EXOSC2: variants seen among roughly 807,000 people sequenced by gnomAD.
The protein encoded by EXOSC2 is exosome complex component RRP4.
A neutral mutation model predicts 37.6 loss-of-function variants in EXOSC2; 29 were observed. The ratio of observed to expected loss-of-function variants is 0.77; its 90% confidence interval spans 0.57 to 1.05. The LOEUF (loss-of-function observed/expected upper bound fraction) is 1.05, where lower values mean the gene tolerates loss of function less well. EXOSC2 is among the 50% of genes least tolerant of loss of function. The pLI is 0.00. For synonymous variants in EXOSC2, 119 were observed against 131.1 expected, an observed-to-expected ratio of 0.91 and a Z score of 0.63; for missense variants, 346 against 365.6, an observed-to-expected ratio of 0.95 and a Z score of 0.44.
chr9:130,700,815 C>T, intron 5 of EXOSC2, 52 bp from the exon 6 acceptor site: 4 of 1,567,358 alleles, frequency 2.6e-6, no homozygotes, highest in East Asian at 2.2e-5. Flanking sequence ...CTGCAGAGGA[C>T]AGGACAGTGT....
intron 6 of EXOSC2, chr9:130,701,739 A>G (rs764170101): frequency 1.5e-5 from 13 of 839,504 alleles, no homozygotes; most frequent in Non-Finnish European, 1.9e-5. Context: ...CACACATCTC[A>G]CAGGCAAGAT....
At chr9:130,695,660 C>A in intron 2 of EXOSC2, 67 bp downstream of exon 2, 2 of 1,358,382 alleles carry the variant, frequency 1.5e-6, no homozygotes, top group Non-Finnish European at 1.0e-6. Context: ...TTTTCCTGCC[C>A]CCTCCTTATC....
chr9:130,702,813 T>C (rs1482214323), intron 7 of EXOSC2, among the ~76,000 whole-genome samples: 1 of 152,148 alleles, frequency 6.6e-6, no homozygotes, highest in Non-Finnish European at 1.5e-5. Flanking sequence ...CAGGCTGGTC[T>C]TGAATTCCTG....
chr9:130,703,440 T>C (rs1270358201), intron 8 of EXOSC2, among the ~76,000 whole-genome samples: 3 of 152,226 alleles, frequency 2.0e-5, no homozygotes, highest in African/African-American at 7.2e-5. Context: ...GGACTACATC[T>C]TACCTCTCCC....
chr9:130,702,172 G>A lies in EXOSC2; in HGVS notation c.534G>A (p.Leu178=). ...QGVLVQVSPS[L]VKRQKTHFHD... is the part of the protein sequence containing the mutation. ...TTTTGGTCCAGGTTTCCCCCTCCCTGGTGAAACGGCAGAAGACCCACTTTC... is the reference window on the plus strand; with the variant it reads ...TTTTGGTCCAGGTTTCCCCCTCCCTAGTGAAACGGCAGAAGACCCACTTTC... The change falls in exon 7 of 9, where the codon CTG becomes CTA. Residue 178 remains leucine, a synonymous_variant. Transcript: ENST00000372358. 1 of 1,614,042 alleles carries A rather than the reference G, an allele frequency of 6.2e-7. No individual in the cohort carries two copies. The highest frequency in any genetic ancestry group is 8.5e-7 in the Non-Finnish European group (1 of 1,180,014).
At chr9:130,697,756 A>T in intron 3 of EXOSC2, 129 bp downstream of exon 3, 1 of 830,908 alleles carries the variant, frequency 1.2e-6, no homozygotes, top group Middle Eastern at 2.3e-4. Context: ...GTGGCTTCTG[A>T]TGTAAATATG....
In EXOSC2 at chr9:130,698,423, A is replaced by G. The variant is rs1477104029; in HGVS notation, c.360+172A>G. The stretch of plus-strand genomic sequence containing the variant: ...TGTATGTAGACTTTTCACCCTGTCC[A>G]GGTCTCCCGAAAGAGGGAGCAGTTG... On this transcript the variant is annotated intron_variant, in intron 4 of 8. Transcript: ENST00000372358. This position sits in a 1 kb window ranked among gnomAD's most constrained non-coding sequence, Gnocchi z 4.1. Among the ~76,000 whole-genome samples the G allele has an allele frequency of 6.6e-6, 1 of 152,202 alleles. No individual in the cohort carries two copies. Among genetic ancestry groups the G allele is most frequent in the African/African-American group, 2.4e-5 (1 of 41,454 alleles).
intron 2 of EXOSC2, 94 bp from the exon 3 acceptor site, chr9:130,697,488 C>T: frequency 7.9e-7 from 1 of 1,258,922 alleles, no homozygotes; most frequent in Non-Finnish European, 1.2e-6. Flanking sequence ...CTGTTCCAGG[C>T]TTTCACCCTG....
rs116776217 is a variant in EXOSC2, at chr9:130,699,723, C to T, written c.426+329C>T. 1,439 of 259,810 alleles carry T rather than the reference C, an allele frequency of 5.5e-3. 28 individuals carry two copies. The highest frequency in any genetic ancestry group is 0.03 in the African/African-American group (1,384 of 45,944). 16.1% of individuals were successfully genotyped at this position (259,810 alleles called of 1,614,324 possible). A position where few individuals can be genotyped will look rare whatever the true frequency, so the allele number is the denominator to read the frequency against. On this transcript the variant is annotated intron_variant, in intron 5 of 8. Transcript: ENST00000372358. ...TCACGTCAAGATATTAATGACAGGC[C>T]GAGTGTGGTGACTCATGCCTGTAAT...
rs1241667746 is a variant in EXOSC2 at position 130,694,559 on chromosome 9, A to G, written c.122+646A>G. Among the ~76,000 whole-genome samples, 4 of 152,328 alleles carry G rather than the reference A, an allele frequency of 2.6e-5. No individual in the cohort carries two copies. In the East Asian group the frequency reaches 7.7e-4, roughly 29 times the overall value. ...GTAATGAGGATTAAATGAGACAATTATGTAAGAAAAGAAGTAAAACCAGCC... is the reference window on the plus strand; with the variant it reads ...GTAATGAGGATTAAATGAGACAATTGTGTAAGAAAAGAAGTAAAACCAGCC... On this transcript the variant is annotated intron_variant, in intron 1 of 8. Transcript: ENST00000372358. This position sits in a 1 kb window ranked among gnomAD's most constrained non-coding sequence, Gnocchi z 4.0.
Position 130,698,223 on chromosome 9 carries a change from C to T in EXOSC2, c.332C>T (p.Ser111Leu), listed in dbSNP as rs1208316253. Residue 111 changes from serine to leucine, a missense_variant, in exon 4 of 9, where the codon TCG becomes TTG. Ser to Leu is a moderately radical substitution (Grantham distance 145, BLOSUM62 -2). Coordinates refer to ENST00000372358, the MANE Select transcript of EXOSC2 (RefSeq NM_014285.7). The surrounding 1 kb of genome is among the most constrained non-coding windows in gnomAD (Gnocchi z 4.1). ...NSRLDSVLLL[S>L]SMNLPGGELR... ...AGGCTGGATTCGGTCTTGCTGCTCT[C>T]GTCCATGAACCTTCCTGGAGGAGAG... is the stretch of plus-strand genomic sequence containing the variant. The T allele has an allele frequency of 4.3e-6, 7 of 1,614,126 alleles. No homozygotes were observed. The highest frequency in any genetic ancestry group is 5.1e-6 in the Non-Finnish European group (6 of 1,180,030).
Position 130,703,489 on chromosome 9 carries a change from T to A in EXOSC2, c.802-205T>A, listed in dbSNP as rs570431364. Among the ~76,000 whole-genome samples the A allele has an allele frequency of 3.3e-5, 5 of 152,322 alleles. No homozygotes were observed. In the East Asian group the frequency reaches 9.6e-4, roughly 29 times the overall value. Reference sequence around the variant, plus strand: ...CTTTTGGATGAATGTCAGAATAATATCTTTGTTCTTGTCGACTATATCCCA... The same window carrying A: ...CTTTTGGATGAATGTCAGAATAATAACTTTGTTCTTGTCGACTATATCCCA... On this transcript the variant is annotated intron_variant, in intron 8 of 8. Transcript: ENST00000372358.
Position 130,700,934 on chromosome 9 carries a change from A to G in EXOSC2, c.494A>G (p.Lys165Arg), listed in dbSNP as rs1190546463. Residue 165 changes from lysine to arginine, a missense_variant and splice_region_variant, in exon 6 of 9, where the codon AAA becomes AGA. Physicochemically the swap from Lys to Arg is conservative, Grantham distance 26 (BLOSUM62 2). Transcript: ENST00000372358. ...CACACGAGGAGCCTGAAATATGGAA[A>G]AGTAAGTCGGGCTCTTGATGTTCCT... ...SLHTRSLKYG[K>R]LGQGVLVQVS... The G allele has an allele frequency of 6.2e-7, 1 of 1,614,000 alleles. No homozygotes were observed. Among genetic ancestry groups the G allele is most frequent in the South Asian group, 1.1e-5 (1 of 91,076 alleles).
At chr9:130,702,488 A>G (rs1831239163) in intron 7 of EXOSC2, among the ~76,000 whole-genome samples, 178 bp downstream of exon 7, 1 of 152,148 alleles carries the variant, frequency 6.6e-6, no homozygotes, top group African/African-American at 2.4e-5. Context: ...AAGGAGATGA[A>G]TTCAGTGAAT....
Position 130,703,896 on chromosome 9 carries a change from G to C in EXOSC2, c.*122G>C. 1.3e-6 allele frequency: 1 copy of C among 782,788 alleles called. No individual in the cohort carries two copies. Among genetic ancestry groups the C allele is most frequent in the East Asian group, 2.6e-5 (1 of 37,992 alleles). 48.5% of individuals were successfully genotyped at this position (782,788 alleles called of 1,614,324 possible). On this transcript the variant is annotated 3_prime_UTR_variant, in exon 9 of 9. Coordinates refer to ENST00000372358, the MANE Select transcript of EXOSC2 (RefSeq NM_014285.7). ...TCCCTTTGTCTGCATTGACGGCCCT[G>C]TGACGGCCTCCAGCCCACAGGCCTG...
At chr9:130,701,186 A>G (rs34195106) in intron 6 of EXOSC2, 23,148 of 412,508 alleles carry the variant, frequency 0.056, 790 homozygotes, top group Non-Finnish European at 0.073. Flanking sequence ...CTTTCACCAG[A>G]AGAGCCCCTC....
chr9:130,695,626 C>T, intron 2 of EXOSC2, 33 bp downstream of exon 2: 1 of 1,592,548 alleles, frequency 6.3e-7, no homozygotes, highest in South Asian at 1.1e-5. Context: ...CCCTTTCTTG[C>T]AGCATCAGGT....
Sources: gnomAD v4.1 joint callset for allele counts (sites outside exome capture counted in the v4.1 genomes callset) on GRCh38, gnomAD v4.1.1 for gene constraint, Gnocchi (gnomAD v3.1) non-coding constraint, MANE v1.5 for transcripts, NCBI Gene and HGNC (gene_info 2026-07-23, HGNC 2026-07-21) for gene names.